Variants in RAPGEF6 observed in about 807,000 individuals in gnomAD.
RAPGEF6 encodes the protein Rap guanine nucleotide exchange factor 6.
A neutral mutation model predicts 171.4 loss-of-function variants in RAPGEF6; 56 were observed. That is an observed-to-expected ratio of 0.33 (90% CI 0.26 to 0.41). The LOEUF is 0.41. Ranked by LOEUF, RAPGEF6 falls within the 10% of genes least tolerant of loss-of-function variation. The pLI is 1.00. For missense variants in RAPGEF6, 1,674 were observed against 1,921.4 expected, an observed-to-expected ratio of 0.87 and a Z score of 2.41; for synonymous variants, 692 against 650.1, an observed-to-expected ratio of 1.06 and a Z score of -0.98.
At chr5:131,543,421 G>T (rs975253025) in intron 6 of RAPGEF6, among the ~76,000 whole-genome samples, 6 of 152,096 alleles carry the variant, frequency 3.9e-5, no homozygotes, top group Admixed American at 3.9e-4. Flanking sequence ...AAAGGTGGCT[G>T]GGAGAATTTG....
chr5:131,526,876 T>G (rs1399148915), intron 6 of RAPGEF6, among the ~76,000 whole-genome samples: 1 of 152,196 alleles, frequency 6.6e-6, no homozygotes, highest in Non-Finnish European at 1.5e-5. Flanking sequence ...AGAAAGTTTT[T>G]TAGCTAACAA....
At chr5:131,619,280 C>A (rs1351448761) in intron 1 of RAPGEF6, among the ~76,000 whole-genome samples, 1 of 151,996 alleles carries the variant, frequency 6.6e-6, no homozygotes, top group African/African-American at 2.4e-5. Flanking sequence ...TACATGGACA[C>A]ATGGAGGGGA....
At chr5:131,526,906 A>C (rs189088138) in intron 6 of RAPGEF6, among the ~76,000 whole-genome samples, 10 of 152,286 alleles carry the variant, frequency 6.6e-5, no homozygotes, top group African/African-American at 2.2e-4. Context: ...AGACATTATG[A>C]AGTTACAAAG....
At chr5:131,614,089 C>A (rs555529064) in intron 1 of RAPGEF6, among the ~76,000 whole-genome samples, 1 of 151,986 alleles carries the variant, frequency 6.6e-6, no homozygotes. Flanking sequence ...GGAGATCAGC[C>A]TGGTCAACAT....
intron 7 of RAPGEF6, among the ~76,000 whole-genome samples, chr5:131,513,977 G>A (rs973875430): frequency 7.2e-5 from 11 of 152,126 alleles, no homozygotes; most frequent in African/African-American, 2.2e-4. Context: ...GCAGTGAGCC[G>A]AGATCTTGCT....
At chr5:131,619,070 C>A (rs975111747) in intron 1 of RAPGEF6, among the ~76,000 whole-genome samples, 29 of 151,590 alleles carry the variant, frequency 1.9e-4, no homozygotes, top group African/African-American at 7.0e-4. Context: ...CAGGACTGTT[C>A]TAGATTAAAG....
intron 7 of RAPGEF6, among the ~76,000 whole-genome samples, chr5:131,519,066 T>A (rs1379298074): frequency 2.0e-5 from 3 of 152,168 alleles, no homozygotes; most frequent in Non-Finnish European, 4.4e-5. Flanking sequence ...TATGGATACT[T>A]TCTGAGGTGA....
At chr5:131,460,218 C>T (rs1175680546) in intron 19 of RAPGEF6, among the ~76,000 whole-genome samples, 1 of 152,148 alleles carries the variant, frequency 6.6e-6, no homozygotes, top group Non-Finnish European at 1.5e-5. Context: ...CTTCTTTGGG[C>T]TACTGTCCAT....
chr5:131,607,099 G>C (rs1360960765), intron 1 of RAPGEF6, among the ~76,000 whole-genome samples: 1 of 152,138 alleles, frequency 6.6e-6, no homozygotes, highest in Non-Finnish European at 1.5e-5. Context: ...TTGGCAGTTA[G>C]AATACCCTAA....
chr5:131,529,860 T>C (rs1759249557), intron 6 of RAPGEF6, among the ~76,000 whole-genome samples: 1 of 151,080 alleles, frequency 6.6e-6, no homozygotes, highest in Non-Finnish European at 1.5e-5. Context: ...ATTACACCAC[T>C]GCACTCCAGC....
intron 4 of RAPGEF6, among the ~76,000 whole-genome samples, chr5:131,590,652 A>T (rs1262868686): frequency 6.6e-6 from 1 of 152,196 alleles, no homozygotes; most frequent in Non-Finnish European, 1.5e-5. Context: ...TTCCATAATC[A>T]TGTTTCCTGT....
chr5:131,472,705 C>T lies in RAPGEF6; in HGVS notation c.2121G>A (p.Val707=). 4 of 1,612,342 alleles carry T rather than the reference C, an allele frequency of 2.5e-6. No individual in the cohort carries two copies. Among genetic ancestry groups the T allele is most frequent in the Non-Finnish European group, 3.4e-6 (4 of 1,178,398 alleles). The change falls in exon 17 of 28, where the codon GTG becomes GTA. Residue 707 remains valine, a synonymous_variant. Transcript: ENST00000509018. ...GLSQSQDDSI[V]GTRHCRHSLA... ...GACTATGCCTACAGTGCCTTGTTCCCACAATGCTGTCATCTTGTGATTGGC... is the reference window on the plus strand; with the variant it reads ...GACTATGCCTACAGTGCCTTGTTCCTACAATGCTGTCATCTTGTGATTGGC...
chr5:131,619,061 A>C (rs575032604), intron 1 of RAPGEF6, among the ~76,000 whole-genome samples: 2 of 151,960 alleles, frequency 1.3e-5, no homozygotes, highest in South Asian at 2.1e-4. Context: ...AAAAAAAAAC[A>C]GGACTGTTCT....
Position 131,446,532 on chromosome 5 carries a change from C to T in RAPGEF6, c.3372G>A (p.Glu1124=), listed in dbSNP as rs757747325. The change falls in exon 22 of 28, where the codon GAG becomes GAA. Residue 1124 remains glutamate, a synonymous_variant. Transcript: ENST00000509018. ...GTAATGACATCATCTGGAACTTCTCCTCATCTGTCTCTACATCGAGACTGG... is the reference window on the plus strand; with the variant it reads ...GTAATGACATCATCTGGAACTTCTCTTCATCTGTCTCTACATCGAGACTGG... ...YLSSLDVETD[E]EKFQMMSLQW... is the part of the protein sequence containing the mutation. 1 of 1,614,228 alleles carries T rather than the reference C, an allele frequency of 6.2e-7. No individual in the cohort carries two copies. Among genetic ancestry groups the T allele is most frequent in the Admixed American group, 1.7e-5 (1 of 60,024 alleles).
At chr5:131,512,927 C>T (rs563296652) in intron 7 of RAPGEF6, among the ~76,000 whole-genome samples, 6 of 152,256 alleles carry the variant, frequency 3.9e-5, no homozygotes, top group African/African-American at 1.4e-4. Flanking sequence ...TTTAAACTTT[C>T]CAGCCTCAAG....
intron 7 of RAPGEF6, among the ~76,000 whole-genome samples, chr5:131,516,046 C>T (rs12332315): frequency 0.4 from 15,523 of 38,338 alleles, 3,232 homozygotes; most frequent in South Asian, 0.5. Flanking sequence ...AGATGATATC[C>T]TTTTTTTTTT....
intron 4 of RAPGEF6, among the ~76,000 whole-genome samples, chr5:131,582,035 C>T (rs886133329): frequency 3.0e-4 from 45 of 152,168 alleles, no homozygotes; most frequent in Admixed American, 1.3e-4. Flanking sequence ...CACCACCTAT[C>T]CCAAACCTAT....
At chr5:131,472,896 T>C in intron 16 of RAPGEF6, 152 bp from the exon 17 acceptor site, 1 of 648,060 alleles carries the variant, frequency 1.5e-6, no homozygotes. Flanking sequence ...AAGACAATTG[T>C]AATGATGAAA....
chr5:131,599,037 G>A (rs1006849738), intron 3 of RAPGEF6, among the ~76,000 whole-genome samples: 14 of 152,226 alleles, frequency 9.2e-5, no homozygotes, highest in South Asian at 2.1e-4. Flanking sequence ...TAGGCCGAGC[G>A]TGGGGGCTCA....
Sources: gnomAD v4.1 joint callset for allele counts (sites outside exome capture counted in the v4.1 genomes callset) on GRCh38, gnomAD v4.1.1 for gene constraint, MANE v1.5 for transcripts, NCBI Gene and HGNC (gene_info 2026-07-23, HGNC 2026-07-21) for gene names.